CBFA2T3: variants seen among roughly 807,000 people sequenced by gnomAD.
The protein encoded by CBFA2T3 is CBFA2/RUNX1 partner transcriptional co-repressor 3, also known as transcriptional corepressor CBFA2T3.
A neutral mutation model predicts 58.6 loss-of-function variants in CBFA2T3; 31 were observed. That is an observed-to-expected ratio of 0.53 (90% CI 0.40 to 0.71). The LOEUF (loss-of-function observed/expected upper bound fraction) is 0.71. CBFA2T3 is among the 30% of genes least tolerant of loss of function. The pLI, the probability that CBFA2T3 is intolerant of heterozygous loss-of-function variation, is 0.00. For synonymous variants in CBFA2T3, 531 were observed against 421.9 expected (o/e 1.26, Z -3.17); for missense variants, 1,076 against 963.1 (o/e 1.12, Z -1.55).
At chr16:88,945,679 T>G (rs1053068690) in intron 1 of CBFA2T3, among the ~76,000 whole-genome samples, 1 of 152,090 alleles carries the variant, frequency 6.6e-6, no homozygotes, top group Non-Finnish European at 1.5e-5. Context: ...CAGATGCCGG[T>G]GAGGATGTGA....
intron 2 of CBFA2T3, among the ~76,000 whole-genome samples, chr16:88,899,753 T>C (rs1045763897): frequency 1.4e-4 from 21 of 152,188 alleles, no homozygotes; most frequent in Admixed American, 1.4e-3. Flanking sequence ...TCCCTGACAG[T>C]GGGGCCTGAG....
Position 88,881,468 on chromosome 16 carries a change from T to A in CBFA2T3, c.1225A>T (p.Met409Leu), listed in dbSNP as rs748009384. 1.2e-6 allele frequency: 2 copies of A among 1,608,912 alleles called. No individual in the cohort carries two copies. The highest frequency in any genetic ancestry group is 1.7e-6 in the Non-Finnish European group (2 of 1,177,740). ...LNNLLNCIMD[M>L]VEKTRRSLTV... is the part of the protein sequence containing the mutation. ...AGCGAGCGCCGCGTCTTCTCCACCA[T>A]GTCCATGATGCAGTTCAGGAGCTGG... The change falls in exon 9 of 12, where the codon ATG becomes TTG. Residue 409 changes from methionine (M) to leucine (L), a missense_variant. Transcript: ENST00000268679.
At chr16:88,902,368 G>C (rs542877891) in intron 1 of CBFA2T3, 1 of 152,248 alleles carries the variant, frequency 6.6e-6, no homozygotes, top group African/African-American at 2.4e-5. Context: ...CGCAGCCCCC[G>C]GCAGGTGGTA....
intron 1 of CBFA2T3, among the ~76,000 whole-genome samples, chr16:88,968,326 G>A (rs544935783): frequency 2.0e-5 from 3 of 152,324 alleles, no homozygotes; most frequent in South Asian, 2.1e-4. Context: ...GCTGCCTGCT[G>A]TCTCCCTTCC....
At chr16:88,889,976 C>T (rs994573676) in intron 5 of CBFA2T3, among the ~76,000 whole-genome samples, 1 of 145,458 alleles carries the variant, frequency 6.9e-6, no homozygotes, top group South Asian at 2.2e-4. Context: ...GGACGACGCC[C>T]CGTGATTCCT....
chr16:88,904,662 C>T (rs1195395002), intron 1 of CBFA2T3, among the ~76,000 whole-genome samples: 1 of 152,200 alleles, frequency 6.6e-6, no homozygotes. Flanking sequence ...GTTCTCCAGG[C>T]CCCACCCCGG....
intron 1 of CBFA2T3, among the ~76,000 whole-genome samples, chr16:88,904,060 G>A (rs905990978): frequency 2.6e-5 from 4 of 152,242 alleles, no homozygotes; most frequent in Non-Finnish European, 4.4e-5. Flanking sequence ...GGCGCAAGGA[G>A]TCACCACAGC....
At chr16:88,918,131 T>G (rs947392244) in intron 1 of CBFA2T3, among the ~76,000 whole-genome samples, 2 of 152,164 alleles carry the variant, frequency 1.3e-5, no homozygotes, top group African/African-American at 4.8e-5. Context: ...TCCCTGGTGC[T>G]GACTGCAGGA....
rs199945998 is a variant in CBFA2T3 at position 88,950,993 on chromosome 16, C to T, written c.151+25664G>A. Reference sequence around the variant, plus strand: ...GGTCAGAGTGTTGGCACCTGTCTTCCGGATCTGTTCACCCCTCGCCTGGAC... The same window carrying T: ...GGTCAGAGTGTTGGCACCTGTCTTCTGGATCTGTTCACCCCTCGCCTGGAC... On this transcript the variant is annotated intron_variant, in intron 1 of 11. Transcript: ENST00000268679. 944 of 435,230 alleles carry T rather than the reference C, an allele frequency of 2.2e-3. 19 individuals are homozygous for T. Among genetic ancestry groups the T allele is most frequent in the African/African-American group, 0.021 (858 of 39,968 alleles). The allele number at this position is 435,230 out of a possible 1,614,324, so 27.0% of individuals were successfully genotyped here. A position where few individuals can be genotyped will look rare whatever the true frequency, so the allele number is the denominator to read the frequency against.
At position 88,951,063 on chromosome 16, in the gene CBFA2T3, A is replaced by T. The variant is rs200007421; in HGVS notation, c.151+25594T>A. On this transcript the variant is annotated intron_variant, in intron 1 of 11. Transcript: ENST00000268679. ...CAGAGTGTTGGCACCTGTCTTCCGG[A>T]TCTGTTCACCCCTCCCCTGGACCGG... The T allele has an allele frequency of 1.2e-5, 3 of 250,528 alleles. 1 individual carries two copies. Among genetic ancestry groups the T allele is most frequent in the South Asian group, 5.2e-5 (2 of 38,366 alleles). 15.5% of individuals were successfully genotyped at this position (250,528 alleles called of 1,614,324 possible).
intron 1 of CBFA2T3, among the ~76,000 whole-genome samples, chr16:88,904,711 C>T (rs537091273): frequency 4.0e-5 from 6 of 151,010 alleles, no homozygotes; most frequent in South Asian, 2.1e-4. Flanking sequence ...GGGACCTTTC[C>T]GGGCCCCACC....
At chr16:88,929,886 A>G (rs957394973) in intron 1 of CBFA2T3, among the ~76,000 whole-genome samples, 5 of 149,168 alleles carry the variant, frequency 3.4e-5, no homozygotes, top group Non-Finnish European at 7.4e-5. Context: ...CATCCACGCA[A>G]AAGTCACCAA....
At chr16:88,956,198 T>C (rs1346875388) in intron 1 of CBFA2T3, among the ~76,000 whole-genome samples, 2 of 152,260 alleles carry the variant, frequency 1.3e-5, no homozygotes, top group African/African-American at 4.8e-5. Context: ...CGAGGCCATG[T>C]AGAGCCTCCA....
At chr16:88,931,526 CGTGGGCCGGCCCCGTGG>C in intron 1 of CBFA2T3, among the ~76,000 whole-genome samples, 1 of 152,042 alleles carries the variant, frequency 6.6e-6, no homozygotes, top group African/African-American at 2.4e-5. Flanking sequence ...GGAGAAGGGC[CGTGGGCCGGCCCCGTGG>C]ACGAGCCAGA....
rs558095929 is a variant in CBFA2T3, at chr16:88,895,546, G to A, written c.379+2532C>T. On this transcript the variant is annotated intron_variant, in intron 3 of 11. Transcript: ENST00000268679. ...CCGTCCCCGGCAGGCCCCACACACC[G>A]AGCAAACAGCGCTGGGCACAGTGGC... Among the ~76,000 whole-genome samples, 11 of 152,234 alleles carry A rather than the reference G, an allele frequency of 7.2e-5. No individual in the cohort carries two copies. In the East Asian group the frequency reaches 1.4e-3, roughly 19 times the overall value.
At chr16:88,887,355 TCATCAG>T (rs956660607) in intron 5 of CBFA2T3, among the ~76,000 whole-genome samples, 10 of 152,126 alleles carry the variant, frequency 6.6e-5, no homozygotes, top group Admixed American at 1.3e-4. Flanking sequence ...CCTCCCTCCC[TCATCAG>T]CCCCTCCCCA....
intron 1 of CBFA2T3, among the ~76,000 whole-genome samples, chr16:88,923,824 C>T (rs866462269): frequency 6.6e-6 from 1 of 152,184 alleles, no homozygotes; most frequent in Admixed American, 6.5e-5. Flanking sequence ...ACCAGAATGC[C>T]GAACCCACCC....
At chr16:88,883,579 C>A (rs1969225979) in intron 7 of CBFA2T3, 1 of 152,088 alleles carries the variant, frequency 6.6e-6, no homozygotes, top group South Asian at 2.1e-4. Context: ...GTGAGTGACG[C>A]CCGGCAGTGG....
intron 1 of CBFA2T3, among the ~76,000 whole-genome samples, chr16:88,949,691 T>C (rs555324941): frequency 2.6e-5 from 4 of 151,898 alleles, no homozygotes; most frequent in African/African-American, 7.2e-5. Context: ...TCAACAAACT[T>C]CATGAGTAGG....
Sources: gnomAD v4.1 joint callset for allele counts (sites outside exome capture counted in the v4.1 genomes callset) on GRCh38, gnomAD v4.1.1 for gene constraint, MANE v1.5 for transcripts, NCBI Gene and HGNC (gene_info 2026-07-23, HGNC 2026-07-21) for gene names.